The following CTNNA3 variants were observed in gnomAD, a reference collection of about 807,000 sequenced individuals.
The protein encoded by CTNNA3 is catenin alpha-3.
A neutral mutation model predicts 95.7 loss-of-function variants in CTNNA3; 76 were observed. The ratio of observed to expected loss-of-function variants is 0.79; its 90% CI spans 0.66 to 0.96. CTNNA3 has a LOEUF of 0.96. CTNNA3 is among the 40% of genes least tolerant of loss of function. CTNNA3 has a pLI of 0.00. For synonymous variants in CTNNA3, 431 were observed against 374.4 expected, an observed-to-expected ratio of 1.15 and a Z score of -1.74; for missense variants, 1,191 against 1,089.8, an observed-to-expected ratio of 1.09 and a Z score of -1.31.
chr10:67,596,352 T>C (rs780706452), intron 3 of CTNNA3, among the ~76,000 whole-genome samples: 1 of 152,218 alleles, frequency 6.6e-6, no homozygotes, highest in Non-Finnish European at 1.5e-5. Flanking sequence ...ACCTTGGTGA[T>C]GACCTTGAGT....
chr10:67,158,476 C>T (rs1007541700), intron 7 of CTNNA3, among the ~76,000 whole-genome samples: 4 of 152,074 alleles, frequency 2.6e-5, no homozygotes, highest in Admixed American at 6.6e-5. Flanking sequence ...GATGGGCTCT[C>T]GACTACTTGC....
chr10:66,185,273 A>G (rs2086270904), intron 13 of CTNNA3, among the ~76,000 whole-genome samples: 1 of 152,162 alleles, frequency 6.6e-6, no homozygotes. Context: ...GGAGGATGGT[A>G]AATACCAGAG....
At chr10:66,730,426 G>A (rs1800859789) in intron 9 of CTNNA3, among the ~76,000 whole-genome samples, 1 of 152,112 alleles carries the variant, frequency 6.6e-6, no homozygotes, top group African/African-American at 2.4e-5. Context: ...CATTGTTGGA[G>A]GGAACAACAC....
intron 7 of CTNNA3, among the ~76,000 whole-genome samples, chr10:66,845,780 C>CACAT (rs1384211531): frequency 1.5e-5 from 2 of 130,852 alleles, no homozygotes; most frequent in Non-Finnish European, 3.2e-5. Context: ...CACACACACA[C>CACAT]ATATATATGT....
At chr10:66,004,638 G>A (rs546336448) in intron 15 of CTNNA3, among the ~76,000 whole-genome samples, 1 of 152,264 alleles carries the variant, frequency 6.6e-6, no homozygotes, top group South Asian at 2.1e-4. Flanking sequence ...CCTATTTTGT[G>A]ACTAAGTTTG....
At chr10:67,674,119 C>T (rs1439487011) in intron 1 of CTNNA3, among the ~76,000 whole-genome samples, 2 of 151,874 alleles carry the variant, frequency 1.3e-5, no homozygotes, top group African/African-American at 4.8e-5. Context: ...AAGTCCTAAA[C>T]CCTAGTACCT....
At chr10:66,447,867 G>A (rs1209932233) in intron 11 of CTNNA3, among the ~76,000 whole-genome samples, 6 of 152,128 alleles carry the variant, frequency 3.9e-5, no homozygotes, top group African/African-American at 7.2e-5. Context: ...AGCAAAAGAA[G>A]CTACCATCAG....
chr10:66,339,416 C>A (rs2092430137), intron 12 of CTNNA3, among the ~76,000 whole-genome samples: 1 of 151,644 alleles, frequency 6.6e-6, no homozygotes. Context: ...TCTTAGAAAT[C>A]TTTCATAAAT....
chr10:66,736,217 G>A (rs977962083), intron 9 of CTNNA3, among the ~76,000 whole-genome samples: 8 of 151,100 alleles, frequency 5.3e-5, no homozygotes, highest in Admixed American at 6.6e-5. Context: ...ACTGAGTCTC[G>A]CCCTGTCGCC....
At chr10:67,517,112 T>C (rs1342054376) in intron 5 of CTNNA3, among the ~76,000 whole-genome samples, 1 of 152,190 alleles carries the variant, frequency 6.6e-6, no homozygotes, top group African/African-American at 2.4e-5. Flanking sequence ...TTTGGATATA[T>C]ACCCAAAAGT....
At chr10:66,165,206 G>A (rs2085062566) in intron 13 of CTNNA3, among the ~76,000 whole-genome samples, 1 of 152,106 alleles carries the variant, frequency 6.6e-6, no homozygotes, top group Non-Finnish European at 1.5e-5. Flanking sequence ...AAAAGTGAGA[G>A]CTAAATAATA....
chr10:67,733,720 C>T (rs947683050), intron 1 of CTNNA3, among the ~76,000 whole-genome samples: 1 of 152,174 alleles, frequency 6.6e-6, no homozygotes, highest in Admixed American at 6.6e-5. Flanking sequence ...ACCATATTTA[C>T]CTCTCTTCCT....
intron 7 of CTNNA3, among the ~76,000 whole-genome samples, chr10:67,176,466 A>G (rs1862247720): frequency 6.6e-6 from 1 of 152,194 alleles, no homozygotes; most frequent in African/African-American, 2.4e-5. Context: ...GCCTGCACAG[A>G]GCTTAAAGTG....
chr10:67,534,899 T>C (rs1354890252), intron 4 of CTNNA3, among the ~76,000 whole-genome samples: 1 of 152,098 alleles, frequency 6.6e-6, no homozygotes, highest in Non-Finnish European at 1.5e-5. Context: ...ACTAATTATA[T>C]TGAGATCTTA....
chr10:66,430,919 A>C (rs1218803510), intron 11 of CTNNA3, among the ~76,000 whole-genome samples: 1 of 152,186 alleles, frequency 6.6e-6, no homozygotes, highest in Non-Finnish European at 1.5e-5. Context: ...TAATTAAACT[A>C]AAGAGCTTCT....
intron 17 of CTNNA3, among the ~76,000 whole-genome samples, chr10:65,953,041 A>C (rs2077650981): frequency 6.6e-6 from 1 of 152,234 alleles, no homozygotes; most frequent in Admixed American, 6.5e-5. Context: ...AAGAGTTTAA[A>C]AACATTCTAA....
intron 14 of CTNNA3, chr10:66,097,819 A>T (rs2081457257): frequency 6.6e-6 from 1 of 152,186 alleles, no homozygotes; most frequent in Admixed American, 6.5e-5. Context: ...GCAGAAAATA[A>T]AACAGGAAAA....
chr10:67,120,296 C>G (rs1859394823), intron 7 of CTNNA3, among the ~76,000 whole-genome samples: 1 of 151,880 alleles, frequency 6.6e-6, no homozygotes, highest in Admixed American at 6.6e-5. Context: ...AAAATTATCA[C>G]TTTATACTAC....
intron 7 of CTNNA3, among the ~76,000 whole-genome samples, chr10:66,778,361 TAAC>T (rs1840396013): frequency 6.6e-6 from 1 of 152,134 alleles, no homozygotes; most frequent in Non-Finnish European, 1.5e-5. Flanking sequence ...TTCAAAGCCT[TAAC>T]AAATCATCAA....
Sources: gnomAD v4.1 joint callset for allele counts (sites outside exome capture counted in the v4.1 genomes callset) on GRCh38, gnomAD v4.1.1 for gene constraint, MANE v1.5 for transcripts, NCBI Gene and HGNC (gene_info 2026-07-23, HGNC 2026-07-21) for gene names.